PHACTR1: variants seen among roughly 807,000 people sequenced by gnomAD.
PHACTR1 encodes the protein RPEL repeat containing 1.
In PHACTR1, 16 loss-of-function variants were observed where a neutral mutation model predicts 69.2. The observed-to-expected ratio is 0.23, with a 90% CI of 0.16 to 0.35. The LOEUF (loss-of-function observed/expected upper bound fraction) is 0.35, where lower values mean the gene tolerates loss of function less well. Among genes scored for constraint, PHACTR1 ranks in the 10% least tolerant of loss-of-function variants. The pLI is 1.00. For missense variants in PHACTR1, 510 were observed against 734.7 expected (o/e 0.69, Z 3.54); for synonymous variants, 312 against 284.5 (o/e 1.10, Z -0.97).
intron 4 of PHACTR1, among the ~76,000 whole-genome samples, chr6:12,909,699 T>C (rs1211351669): frequency 2.6e-5 from 4 of 152,162 alleles, no homozygotes; most frequent in Admixed American, 2.6e-4. Context: ...AGTGGAGTCT[T>C]CATGAGAGTT....
Position 13,117,922 on chromosome 6 carries a change from C to T in PHACTR1, c.416-42282C>T, listed in dbSNP as rs577402295. Among the ~76,000 whole-genome samples the T allele has an allele frequency of 5.9e-5, 9 of 152,304 alleles. No homozygotes were observed. The East Asian group carries it at 1.3e-3, about 23-fold the overall frequency. On this transcript the variant is annotated intron_variant, in intron 5 of 14. Coordinates refer to ENST00000332995, the MANE Select transcript of PHACTR1 (RefSeq NM_030948.6). ...ACATAAATGAGTGCAACCACACCCT[C>T]TCCACTCAACTTTTGCTTTTTACAA...
chr6:13,077,176 A>AC (rs1810633423), intron 5 of PHACTR1, among the ~76,000 whole-genome samples: 1 of 127,490 alleles, frequency 7.8e-6, no homozygotes, highest in Non-Finnish European at 1.6e-5. Flanking sequence ...GATGCAAGCA[A>AC]AAAAAAAAAA....
At chr6:13,013,566 T>G (rs1306531791) in intron 4 of PHACTR1, among the ~76,000 whole-genome samples, 2 of 152,080 alleles carry the variant, frequency 1.3e-5, no homozygotes, top group Non-Finnish European at 2.9e-5. Context: ...TAGCTGGTGC[T>G]GAGATTTCCG....
intron 5 of PHACTR1, among the ~76,000 whole-genome samples, chr6:13,058,946 A>G (rs550826787): frequency 6.6e-6 from 1 of 152,256 alleles, no homozygotes; most frequent in African/African-American, 2.4e-5. Flanking sequence ...GTAGCTGCAG[A>G]CAGACCAGTG....
intron 4 of PHACTR1, among the ~76,000 whole-genome samples, chr6:12,949,269 CAAAAAAA>C (rs201027793): frequency 1.8e-5 from 1 of 57,032 alleles, no homozygotes. Context: ...AACGTCATCT[CAAAAAAA>C]AAAAAAAAAA....
At chr6:13,231,423 G>A (rs535733993) in intron 10 of PHACTR1, among the ~76,000 whole-genome samples, 1 of 81,354 alleles carries the variant, frequency 1.2e-5, no homozygotes, top group Non-Finnish European at 3.0e-5. Context: ...GAGAAAGAGA[G>A]AGCGAAAGAG....
chr6:13,166,409 T>C (rs1759819652), intron 6 of PHACTR1, among the ~76,000 whole-genome samples: 1 of 152,204 alleles, frequency 6.6e-6, no homozygotes, highest in Non-Finnish European at 1.5e-5. Context: ...TCTGATTTGT[T>C]CCCTGTTGTA....
At chr6:12,751,494 C>T (rs912201544) in intron 4 of PHACTR1, among the ~76,000 whole-genome samples, 2 of 152,168 alleles carry the variant, frequency 1.3e-5, no homozygotes, top group African/African-American at 4.8e-5. Context: ...TTGCTTAGCC[C>T]AGGAGGAACA....
intron 4 of PHACTR1, among the ~76,000 whole-genome samples, chr6:12,768,665 A>G (rs1768982728): frequency 6.6e-6 from 1 of 152,004 alleles, no homozygotes; most frequent in Non-Finnish European, 1.5e-5. Context: ...TTTATTTCAC[A>G]TATTGGTTTC....
chr6:13,232,022 A>G (rs1771302874), intron 10 of PHACTR1, among the ~76,000 whole-genome samples: 1 of 152,236 alleles, frequency 6.6e-6, no homozygotes, highest in African/African-American at 2.4e-5. Flanking sequence ...CCAGGGCTTA[A>G]TTCTGATTCT....
chr6:13,270,611 T>C (rs956596406), intron 10 of PHACTR1, among the ~76,000 whole-genome samples: 9 of 152,238 alleles, frequency 5.9e-5, no homozygotes, highest in African/African-American at 1.7e-4. Flanking sequence ...TTTTATATTA[T>C]ACCACAGGGA....
At chr6:13,092,182 G>A (rs1813395221) in intron 5 of PHACTR1, among the ~76,000 whole-genome samples, 4 of 152,176 alleles carry the variant, frequency 2.6e-5, no homozygotes, top group Admixed American at 2.6e-4. Context: ...GGCAGTGGCT[G>A]TAAATATAGA....
chr6:13,231,645 A>C (rs532013884), intron 10 of PHACTR1, among the ~76,000 whole-genome samples: 12 of 152,206 alleles, frequency 7.9e-5, no homozygotes, highest in Non-Finnish European at 1.0e-4. Flanking sequence ...ACTCATTTTG[A>C]GTGATTGCCC....
chr6:12,799,271 G>A (rs1377589985), intron 4 of PHACTR1, among the ~76,000 whole-genome samples: 3 of 152,112 alleles, frequency 2.0e-5, no homozygotes, highest in Non-Finnish European at 4.4e-5. Context: ...GATACAAGGC[G>A]AGGTCATACA....
rs949267303 is a variant in PHACTR1 at position 13,283,766 on chromosome 6, C to T, written c.1650+204C>T. The T allele has an allele frequency of 3.2e-5, 22 of 695,600 alleles. No homozygotes were observed. Among genetic ancestry groups the T allele is most frequent in the Non-Finnish European group, 5.2e-5 (22 of 424,274 alleles). The allele number at this position is 695,600 out of a possible 1,614,324, so 43.1% of individuals were successfully genotyped here. A position where few individuals can be genotyped will look rare whatever the true frequency, so the allele number is the denominator to read the frequency against. ...GCTGAATCGGAGAAAACACAAGGCA[C>T]ATAATACTGTGCCCATTTTACAGGA... On this transcript the variant is annotated intron_variant, in intron 13 of 14. Coordinates refer to ENST00000332995, the MANE Select transcript of PHACTR1 (RefSeq NM_030948.6). This position sits in a 1 kb window ranked among gnomAD's most constrained non-coding sequence, Gnocchi z 4.7.
At chr6:13,113,167 C>T (rs1817299970) in intron 5 of PHACTR1, among the ~76,000 whole-genome samples, 1 of 152,036 alleles carries the variant, frequency 6.6e-6, no homozygotes, top group Non-Finnish European at 1.5e-5. Context: ...TGTCACTGCA[C>T]TCCAGCCTGA....
chr6:12,863,515 G>A (rs535811222), intron 4 of PHACTR1, among the ~76,000 whole-genome samples: 42 of 152,286 alleles, frequency 2.8e-4, no homozygotes, highest in African/African-American at 9.1e-4. Flanking sequence ...CTGTAATATC[G>A]AGATGACTAT....
chr6:12,804,847 C>A (rs150242064), intron 4 of PHACTR1, among the ~76,000 whole-genome samples: 1 of 152,034 alleles, frequency 6.6e-6, no homozygotes, highest in African/African-American at 2.4e-5. Context: ...TTGAATAGAC[C>A]TCAACTGAGC....
chr6:13,008,651 A>AC (rs1207814087), intron 4 of PHACTR1, among the ~76,000 whole-genome samples: 1 of 152,142 alleles, frequency 6.6e-6, no homozygotes, highest in Non-Finnish European at 1.5e-5. Flanking sequence ...CAACAACAAC[A>AC]ACACACACAC....
Sources: allele counts gnomAD v4.1 joint callset (sites outside exome capture counted in the v4.1 genomes callset), GRCh38; gene constraint gnomAD v4.1.1; non-coding constraint Gnocchi (gnomAD v3.1); transcripts MANE v1.5; gene names NCBI Gene and HGNC (gene_info 2026-07-23, HGNC 2026-07-21).